Variants in CYTH3 observed in about 807,000 individuals in gnomAD.
CYTH3 encodes cytohesin 3, also known as cytohesin-3.
CYTH3 carries 23 observed loss-of-function variants against 55.1 expected under a neutral mutation model. The ratio of observed to expected loss-of-function variants is 0.42; its 90% CI spans 0.30 to 0.59. The LOEUF (loss-of-function observed/expected upper bound fraction) is 0.59, where lower values mean the gene tolerates loss of function less well. Ranked by LOEUF, CYTH3 falls within the 20% of genes least tolerant of loss-of-function variation. The probability of loss-of-function intolerance (pLI) is 0.20; values close to 1 mark genes in which losing one functional copy is unlikely to be tolerated. For synonymous variants in CYTH3, 249 were observed against 194.9 expected (o/e 1.28, Z -2.31); for missense variants, 413 against 524.8 (o/e 0.79, Z 2.08).
chr7:6,237,433 G>A (rs1159856886), intron 1 of CYTH3, among the ~76,000 whole-genome samples: 4 of 152,192 alleles, frequency 2.6e-5, no homozygotes, highest in African/African-American at 7.2e-5. Flanking sequence ...CATGCAGCCC[G>A]GTGTGGTGGC....
intron 1 of CYTH3, among the ~76,000 whole-genome samples, chr7:6,203,249 T>C (rs1784100541): frequency 1.3e-5 from 2 of 152,134 alleles, no homozygotes; most frequent in African/African-American, 4.8e-5. Context: ...CTTGATTTAA[T>C]GGACATAATA....
chr7:6,194,633 G>A (rs1783876695), intron 1 of CYTH3, among the ~76,000 whole-genome samples: 1 of 152,012 alleles, frequency 6.6e-6, no homozygotes, highest in Non-Finnish European at 1.5e-5. Context: ...TCTGTGCACT[G>A]CAACAGAAGA....
chr7:6,165,716 G>C lies in CYTH3; in HGVS notation c.900+18C>G. The C allele has an allele frequency of 6.2e-7, 1 of 1,614,066 alleles. No homozygotes were observed. The highest frequency in any genetic ancestry group is 1.3e-5 in the African/African-American group (1 of 75,044). On this transcript the variant is annotated intron_variant, in intron 10 of 12. Transcript: ENST00000350796. ...CGGGACTGCTGGGAGGCGGCAAGGA[G>C]GCCTGGCCCTTACTTACTGTTGTGT... is the stretch of plus-strand genomic sequence containing the variant.
intron 1 of CYTH3, among the ~76,000 whole-genome samples, chr7:6,224,798 A>T (rs1009488648): frequency 3.3e-5 from 5 of 152,242 alleles, no homozygotes; most frequent in African/African-American, 1.2e-4. Flanking sequence ...CAGAAGGTGG[A>T]AACAAACCAA....
chr7:6,190,347 T>TTTTTTTTTTTTTTTTTTTTTTTTTGGG, intron 2 of CYTH3, 102 bp downstream of exon 2: 1 of 245,094 alleles, frequency 4.1e-6, no homozygotes, highest in Non-Finnish European at 6.8e-6. Context: ...TGTTTTTGGG[T>TTTTTTTTTTTTTTTTTTTTTTTTTGGG]TTTTTTTTTT....
At chr7:6,221,461 CTT>C (rs1364142810) in intron 1 of CYTH3, among the ~76,000 whole-genome samples, 1 of 152,170 alleles carries the variant, frequency 6.6e-6, no homozygotes, top group Non-Finnish European at 1.5e-5. Context: ...AGCCTGATAA[CTT>C]TGTGGTGATG....
chr7:6,251,820 G>A (rs761635555), intron 1 of CYTH3, among the ~76,000 whole-genome samples: 4 of 152,082 alleles, frequency 2.6e-5, no homozygotes, highest in East Asian at 3.9e-4. Context: ...CCACAGAATC[G>A]CATGAGTTCT....
At chr7:6,261,630 C>T (rs1338055605) in intron 1 of CYTH3, among the ~76,000 whole-genome samples, 1 of 128,618 alleles carries the variant, frequency 7.8e-6, no homozygotes, top group East Asian at 2.5e-4. Context: ...GTAGGAGGAT[C>T]ATAGGATCAT....
At chr7:6,194,982 T>A (rs1046934903) in intron 1 of CYTH3, among the ~76,000 whole-genome samples, 2 of 150,984 alleles carry the variant, frequency 1.3e-5, no homozygotes, top group Non-Finnish European at 3.0e-5. Context: ...TCTCAAAAAA[T>A]AAATAAATAA....
intron 5 of CYTH3, among the ~76,000 whole-genome samples, chr7:6,176,948 C>T (rs1783367332): frequency 6.6e-6 from 1 of 152,200 alleles, no homozygotes; most frequent in Admixed American, 6.5e-5. Context: ...CTGTCAAATG[C>T]TTTTCCTGTA....
Position 6,272,600 on chromosome 7 carries a change from G to C in CYTH3, c.-93C>G. 3.0e-6 allele frequency: 3 copies of C among 1,016,638 alleles called. No homozygotes were observed. Among genetic ancestry groups the C allele is most frequent in the Non-Finnish European group, 2.4e-6 (2 of 832,974 alleles). 63.0% of individuals were successfully genotyped at this position (1,016,638 alleles called of 1,614,324 possible). ...GCCGGAGGGAGCGCGCAGGCGACCG[G>C]GCGGCTCCTCAGCGCGCGGCCCGGG... On this transcript the variant is annotated 5_prime_UTR_variant, in exon 1 of 13. Coordinates refer to ENST00000350796, the MANE Select transcript of CYTH3 (RefSeq NM_004227.4).
rs534157578 is a variant in CYTH3 at position 6,166,598 on chromosome 7, CTG to C, written c.824-790_824-789del. Among the ~76,000 whole-genome samples, 266 of 152,314 alleles carry C rather than the reference CTG, an allele frequency of 1.7e-3. 2 individuals are homozygous for C. The highest frequency in any genetic ancestry group is 5.6e-3 in the Admixed American group (86 of 15,302). The stretch of plus-strand genomic sequence containing the variant: ...CGGGCGCTGAGGCCTGGAGGCAAGA[CTG>C]TGTGCGAAGGGCTCTGTGGATGGAT... On this transcript the variant is annotated intron_variant, in intron 9 of 12. Transcript: ENST00000350796.
chr7:6,230,573 G>A lies in CYTH3; in HGVS notation c.35-40042C>T, dbSNP rs79212381. On this transcript the variant is annotated intron_variant, in intron 1 of 12. Transcript: ENST00000350796. ...ATAATCATCACAGTGGGGTTTACAC[G>A]GTGAAAAAAATGTAAGAGACCTAAG... Among the ~76,000 whole-genome samples, 1,249 of 152,190 alleles carry A rather than the reference G, an allele frequency of 8.2e-3. 16 individuals carry two copies. The highest frequency in any genetic ancestry group is 0.024 in the African/African-American group (978 of 41,518).
At chr7:6,190,425 TTGG>T in intron 2 of CYTH3, 21 bp downstream of exon 2, 3 of 1,444,628 alleles carry the variant, frequency 2.1e-6, no homozygotes, top group South Asian at 2.8e-5. Flanking sequence ...TTTTGGATTT[TTGG>T]TTTTTTTTTT....
chr7:6,241,937 T>C (rs1209964546), intron 1 of CYTH3, among the ~76,000 whole-genome samples: 3 of 152,176 alleles, frequency 2.0e-5, no homozygotes, highest in African/African-American at 7.2e-5. Flanking sequence ...AAATAAACAT[T>C]AAATGCATAA....
At chr7:6,178,751 A>G (rs1783407909) in intron 4 of CYTH3, among the ~76,000 whole-genome samples, 1 of 152,196 alleles carries the variant, frequency 6.6e-6, no homozygotes, top group East Asian at 1.9e-4. Flanking sequence ...CTGTGCCACC[A>G]AGCTCATCCA....
intron 1 of CYTH3, among the ~76,000 whole-genome samples, chr7:6,204,921 T>C (rs1784149936): frequency 6.6e-6 from 1 of 152,124 alleles, no homozygotes. Flanking sequence ...TTCCAGAGCT[T>C]TGGGAGGCTG....
At chr7:6,220,410 G>T (rs1433026976) in intron 1 of CYTH3, among the ~76,000 whole-genome samples, 3 of 152,006 alleles carry the variant, frequency 2.0e-5, no homozygotes, top group African/African-American at 7.2e-5. Flanking sequence ...AAATCTTTGA[G>T]AGCGAAGGCT....
At chr7:6,227,737 G>C (rs1216985715) in intron 1 of CYTH3, among the ~76,000 whole-genome samples, 1 of 152,162 alleles carries the variant, frequency 6.6e-6, no homozygotes, top group Non-Finnish European at 1.5e-5. Context: ...CCACCCAAAC[G>C]GGTTGTCAAA....
Sources: gnomAD v4.1 joint callset for allele counts (sites outside exome capture counted in the v4.1 genomes callset) on GRCh38, gnomAD v4.1.1 for gene constraint, MANE v1.5 for transcripts, NCBI Gene and HGNC (gene_info 2026-07-23, HGNC 2026-07-21) for gene names.